Variants in ASIC2 observed in about 807,000 individuals in gnomAD.
ASIC2 encodes acid sensing ion channel subunit 2, also known as acid-sensing ion channel 2.
In ASIC2, 25 loss-of-function variants were observed where a neutral mutation model predicts 57.3. That is an observed-to-expected ratio of 0.44 (90% confidence interval 0.32 to 0.61). The LOEUF (loss-of-function observed/expected upper bound fraction) is 0.61. ASIC2 is among the 20% of genes least tolerant of loss of function. The probability of loss-of-function intolerance (pLI) is 0.06; values close to 1 mark genes in which losing one functional copy is unlikely to be tolerated. For synonymous variants in ASIC2, 319 were observed against 307.5 expected (o/e 1.04, Z -0.39); for missense variants, 641 against 738.1 (o/e 0.87, Z 1.52).
chr17:33,849,656 C>T (rs1188971840), intron 1 of ASIC2, among the ~76,000 whole-genome samples: 2 of 152,126 alleles, frequency 1.3e-5, no homozygotes, highest in Non-Finnish European at 2.9e-5. Context: ...AAGAGTTAAC[C>T]AAGTGAAGAA....
chr17:33,799,430 C>T (rs201642195), intron 1 of ASIC2, among the ~76,000 whole-genome samples: 1,553 of 14,900 alleles, frequency 0.1, 13 homozygotes, highest in Non-Finnish European at 0.16. Flanking sequence ...TTTCTTTCTT[C>T]TTTCTTTCTT....
intron 1 of ASIC2, among the ~76,000 whole-genome samples, chr17:33,506,834 C>A (rs993379284): frequency 6.6e-6 from 1 of 152,186 alleles, no homozygotes; most frequent in Non-Finnish European, 1.5e-5. Flanking sequence ...TGGCAAGCGG[C>A]AGATGCTCAA....
intron 1 of ASIC2, among the ~76,000 whole-genome samples, chr17:33,899,327 G>C (rs978212112): frequency 6.6e-6 from 1 of 152,076 alleles, no homozygotes; most frequent in Non-Finnish European, 1.5e-5. Flanking sequence ...TGGACCCCTG[G>C]AGTAAGCCTC....
At chr17:33,344,789 G>A (rs1051279336) in intron 1 of ASIC2, among the ~76,000 whole-genome samples, 5 of 152,100 alleles carry the variant, frequency 3.3e-5, no homozygotes, top group African/African-American at 1.2e-4. Context: ...TGGGAGACAG[G>A]CCACTCTTTG....
At chr17:33,293,369 C>T (rs542973016), upstream of ASIC2, among the ~76,000 whole-genome samples, 1 of 152,288 alleles carries the variant, frequency 6.6e-6, no homozygotes, top group Admixed American at 6.5e-5. Context: ...CCGGCTCCTC[C>T]TCGCTGCATT....
At chr17:34,115,216 T>C (rs1028219949) in intron 1 of ASIC2, among the ~76,000 whole-genome samples, 1 of 152,236 alleles carries the variant, frequency 6.6e-6, no homozygotes, top group East Asian at 1.9e-4. Context: ...ATTAGCCAAC[T>C]AACCTGTCAA....
At chr17:33,575,118 G>A (rs756368623) in intron 1 of ASIC2, among the ~76,000 whole-genome samples, 16 of 152,120 alleles carry the variant, frequency 1.1e-4, no homozygotes, top group South Asian at 2.1e-4. Flanking sequence ...TGATGATAAA[G>A]GGGCTGGACA....
intron 1 of ASIC2, among the ~76,000 whole-genome samples, chr17:33,151,168 C>T (rs1474702403): frequency 7.7e-6 from 1 of 130,174 alleles, no homozygotes; most frequent in East Asian, 2.2e-4. Flanking sequence ...TCTACTAAAA[C>T]ACACACACAC....
At chr17:33,651,810 C>T (rs983891046) in intron 1 of ASIC2, among the ~76,000 whole-genome samples, 1 of 152,176 alleles carries the variant, frequency 6.6e-6, no homozygotes, top group African/African-American at 2.4e-5. Context: ...GCAGACAGCT[C>T]CTTCAAGCCA....
rs899024071 is a variant in ASIC2, at chr17:33,079,288, CATA to C, written c.987+9572_987+9574del. Among the ~76,000 whole-genome samples the C allele has an allele frequency of 7.4e-4, 113 of 152,208 alleles. 1 individual carries two copies. The highest frequency in any genetic ancestry group is 1.5e-3 in the African/African-American group (63 of 41,504). ...GTACATTTTATGCTGGAGATTTCCA[CATA>C]ATACTCTGGTATGGCCATGTTTGCA... On this transcript the variant is annotated intron_variant, in intron 3 of 9. Coordinates refer to ENST00000225823, the MANE Select transcript of ASIC2 (RefSeq NM_183377.2).
intron 1 of ASIC2, among the ~76,000 whole-genome samples, chr17:33,675,197 T>C (rs1352202645): frequency 6.6e-6 from 1 of 152,218 alleles, no homozygotes; most frequent in African/African-American, 2.4e-5. Flanking sequence ...GTGACTCATC[T>C]TCTTTATTCT....
At chr17:34,151,069 C>A (rs1039326123) in intron 1 of ASIC2, among the ~76,000 whole-genome samples, 1 of 146,416 alleles carries the variant, frequency 6.8e-6, no homozygotes, top group Non-Finnish European at 1.5e-5. Flanking sequence ...CACAACTGCA[C>A]TCCAGCCTGG....
chr17:33,190,374 C>T (rs1469296408), intron 1 of ASIC2, among the ~76,000 whole-genome samples: 1 of 152,018 alleles, frequency 6.6e-6, no homozygotes, highest in East Asian at 1.9e-4. Flanking sequence ...CAAAACATTG[C>T]TGAGAGAAAT....
intron 3 of ASIC2, among the ~76,000 whole-genome samples, chr17:33,078,991 G>A (rs1291725012): frequency 6.6e-6 from 1 of 152,146 alleles, no homozygotes; most frequent in Non-Finnish European, 1.5e-5. Context: ...TAATCACTGG[G>A]AAAAGTGATG....
intron 1 of ASIC2, among the ~76,000 whole-genome samples, chr17:33,988,793 G>A (rs1219023975): frequency 2.0e-5 from 3 of 152,042 alleles, no homozygotes; most frequent in Admixed American, 2.0e-4. Context: ...AGACCTGGGA[G>A]CTAAGTTATC....
intron 1 of ASIC2, among the ~76,000 whole-genome samples, chr17:34,100,995 A>G (rs1327793805): frequency 1.3e-5 from 2 of 152,240 alleles, no homozygotes; most frequent in Admixed American, 1.3e-4. Context: ...AAGGGGGTTG[A>G]TAATAATAGA....
intron 1 of ASIC2, among the ~76,000 whole-genome samples, chr17:34,000,626 G>C (rs1025555868): frequency 6.6e-6 from 1 of 152,050 alleles, no homozygotes; most frequent in Non-Finnish European, 1.5e-5. Flanking sequence ...ACTCTCTCCA[G>C]GTTTGGGAAG....
At chr17:33,422,793 C>T (rs1911091577) in intron 1 of ASIC2, among the ~76,000 whole-genome samples, 1 of 152,214 alleles carries the variant, frequency 6.6e-6, no homozygotes, top group Non-Finnish European at 1.5e-5. Flanking sequence ...CAGACTCAAC[C>T]TATGAGGATG....
At chr17:33,704,764 G>A (rs1243959494) in intron 1 of ASIC2, among the ~76,000 whole-genome samples, 1 of 152,146 alleles carries the variant, frequency 6.6e-6, no homozygotes, top group Non-Finnish European at 1.5e-5. Context: ...AAACTGTACT[G>A]TGTTGGGATT....
Sources: allele counts gnomAD v4.1 joint callset (sites outside exome capture counted in the v4.1 genomes callset), GRCh38; gene constraint gnomAD v4.1.1; transcripts MANE v1.5; gene names NCBI Gene and HGNC (gene_info 2026-07-23, HGNC 2026-07-21).